The following SNTG1 variants were observed in gnomAD, a reference collection of about 807,000 sequenced individuals.
SNTG1 encodes gamma-1-syntrophin.
Under a neutral mutation model 74.7 loss-of-function variants are expected in SNTG1, and 39 were observed. The ratio of observed to expected loss-of-function variants is 0.52; its 90% confidence interval spans 0.40 to 0.68. SNTG1 has a LOEUF of 0.68. Ranked by LOEUF, SNTG1 falls within the 30% of genes least tolerant of loss-of-function variation. The probability of loss-of-function intolerance (pLI) is 0.00; values close to 1 mark genes in which losing one functional copy is unlikely to be tolerated. For synonymous variants in SNTG1, 254 were observed against 217.1 expected, an observed-to-expected ratio of 1.17 and a Z score of -1.49; for missense variants, 685 against 609.5, an observed-to-expected ratio of 1.12 and a Z score of -1.30.
intron 8 of SNTG1, among the ~76,000 whole-genome samples, chr8:50,480,293 A>G (rs1371831145): frequency 1.4e-5 from 2 of 145,882 alleles, no homozygotes; most frequent in South Asian, 2.5e-4. Context: ...TTTTTCCAAC[A>G]TGAACAAATT....
chr8:50,489,396 T>C (rs1410578711), intron 8 of SNTG1, among the ~76,000 whole-genome samples: 3 of 152,222 alleles, frequency 2.0e-5, no homozygotes. Flanking sequence ...CCACCAACAG[T>C]GTAAAAGTGT....
intron 17 of SNTG1, among the ~76,000 whole-genome samples, chr8:50,746,228 T>C (rs2095554846): frequency 6.6e-6 from 1 of 151,980 alleles, no homozygotes; most frequent in South Asian, 2.1e-4. Flanking sequence ...GGAGTTTTAG[T>C]ACTCTAAAAG....
Position 50,534,438 on chromosome 8 carries a change from A to C in SNTG1, c.550-2240A>C, listed in dbSNP as rs187526116. On this transcript the variant is annotated intron_variant, in intron 10 of 18. Transcript: ENST00000642720. ...TTACCCAAGCCTGCCACACAGTATT[A>C]TTGCTTCTTCATGTTCCCTCATGAA... Among the ~76,000 whole-genome samples the C allele has an allele frequency of 1.1e-3, 167 of 152,202 alleles. 1 individual carries two copies. Among genetic ancestry groups the C allele is most frequent in the South Asian group, 9.8e-3 (47 of 4,816 alleles).
At chr8:50,304,989 A>T (rs993004173) in intron 2 of SNTG1, among the ~76,000 whole-genome samples, 3 of 151,456 alleles carry the variant, frequency 2.0e-5, no homozygotes, top group African/African-American at 7.3e-5. Context: ...TGCAACCTCC[A>T]CCTCCCAGGT....
intron 15 of SNTG1, among the ~76,000 whole-genome samples, chr8:50,679,234 T>C (rs1236564959): frequency 1.3e-5 from 2 of 152,118 alleles, no homozygotes; most frequent in Non-Finnish European, 2.9e-5. Context: ...ATTCATTATG[T>C]ACTAAGTATT....
intron 1 of SNTG1, among the ~76,000 whole-genome samples, chr8:49,935,383 C>A: frequency 7.9e-6 from 1 of 126,674 alleles, no homozygotes. Context: ...CCCCCAAAGC[C>A]ATTAATTCCT....
chr8:50,624,284 G>T (rs185229034), intron 13 of SNTG1, among the ~76,000 whole-genome samples: 1 of 151,354 alleles, frequency 6.6e-6, no homozygotes, highest in South Asian at 2.1e-4. Context: ...CTCTCCTTTG[G>T]TGAGATAATT....
intron 2 of SNTG1, among the ~76,000 whole-genome samples, chr8:50,195,649 G>C (rs1351599476): frequency 6.6e-6 from 1 of 152,148 alleles, no homozygotes; most frequent in East Asian, 1.9e-4. Flanking sequence ...ATTTCACTTA[G>C]CTCTCTAAAT....
At chr8:50,440,914 C>G (rs2093352333) in intron 5 of SNTG1, among the ~76,000 whole-genome samples, 1 of 152,096 alleles carries the variant, frequency 6.6e-6, no homozygotes, top group Non-Finnish European at 1.5e-5. Flanking sequence ...AAGAAAAAAA[C>G]TTGGTTAAAG....
rs796508541 is a variant in SNTG1 at position 50,336,704 on chromosome 8, G to A, written c.-27-57508G>A. Reference sequence around the variant, plus strand: ...TTGAAGGCTTAATATGTAAATGAATGTCCTAATAAATAACAGATTTATTGA... The same window carrying A: ...TTGAAGGCTTAATATGTAAATGAATATCCTAATAAATAACAGATTTATTGA... On this transcript the variant is annotated intron_variant, in intron 2 of 18. Coordinates refer to ENST00000642720, the MANE Select transcript of SNTG1 (RefSeq NM_018967.5). Among the ~76,000 whole-genome samples, 13 of 152,268 alleles carry A rather than the reference G, an allele frequency of 8.5e-5. 1 individual carries two copies. The highest frequency in any genetic ancestry group is 3.1e-4 in the African/African-American group (13 of 41,540).
intron 1 of SNTG1, among the ~76,000 whole-genome samples, chr8:50,067,469 T>C (rs193282630): frequency 5.9e-5 from 9 of 152,328 alleles, no homozygotes; most frequent in African/African-American, 2.2e-4. Context: ...GGATTTTATT[T>C]TGAATGGGCT....
intron 16 of SNTG1, among the ~76,000 whole-genome samples, chr8:50,705,754 T>C (rs913011647): frequency 6.6e-6 from 1 of 152,184 alleles, no homozygotes; most frequent in Non-Finnish European, 1.5e-5. Flanking sequence ...AGTGTGAAGT[T>C]ATACACTAGA....
intron 1 of SNTG1, among the ~76,000 whole-genome samples, chr8:49,932,283 A>G (rs2129358538): frequency 6.6e-6 from 1 of 152,264 alleles, no homozygotes; most frequent in Admixed American, 6.5e-5. Flanking sequence ...ATTTTAAAGA[A>G]AATTAATAAC....
intron 15 of SNTG1, among the ~76,000 whole-genome samples, chr8:50,666,612 A>G (rs1338692128): frequency 1.3e-5 from 2 of 152,232 alleles, no homozygotes; most frequent in Admixed American, 6.6e-5. Context: ...TTCTATATAA[A>G]TAGAAATGCA....
chr8:50,698,913 C>T (rs1374020935), intron 15 of SNTG1, among the ~76,000 whole-genome samples: 1 of 152,148 alleles, frequency 6.6e-6, no homozygotes, highest in African/African-American at 2.4e-5. Flanking sequence ...TTACTCTCTT[C>T]TCATTTTCAG....
intron 13 of SNTG1, among the ~76,000 whole-genome samples, chr8:50,632,305 A>C (rs970753914): frequency 6.6e-6 from 1 of 150,594 alleles, no homozygotes; most frequent in Non-Finnish European, 1.5e-5. Context: ...TTATTTATTT[A>C]TTTATTTATT....
chr8:50,541,505 T>A (rs1026002217), intron 11 of SNTG1, among the ~76,000 whole-genome samples: 1 of 152,126 alleles, frequency 6.6e-6, no homozygotes, highest in Non-Finnish European at 1.5e-5. Context: ...TTATATATGA[T>A]ACTATATAAC....
At chr8:50,504,230 T>C (rs575836322) in intron 9 of SNTG1, among the ~76,000 whole-genome samples, 1 of 152,304 alleles carries the variant, frequency 6.6e-6, no homozygotes, top group African/African-American at 2.4e-5. Flanking sequence ...AACATTTTTG[T>C]TATCCAGTCT....
chr8:50,616,405 C>A (rs2094885726), intron 13 of SNTG1, among the ~76,000 whole-genome samples: 2 of 152,172 alleles, frequency 1.3e-5, no homozygotes, highest in Admixed American at 6.5e-5. Context: ...GCCACTGACA[C>A]TATCCCTGAG....
Sources: gnomAD v4.1 joint callset for allele counts (sites outside exome capture counted in the v4.1 genomes callset) on GRCh38, gnomAD v4.1.1 for gene constraint, MANE v1.5 for transcripts, NCBI Gene and HGNC (gene_info 2026-07-23, HGNC 2026-07-21) for gene names.